The following WDPCP variants were observed in gnomAD, a reference collection of about 807,000 sequenced individuals.
WDPCP encodes WD repeat-containing and planar cell polarity effector protein fritz homolog.
Under a neutral mutation model 93.1 loss-of-function variants are expected in WDPCP, and 71 were observed. The ratio of observed to expected loss-of-function variants is 0.76; its 90% CI spans 0.63 to 0.93. The LOEUF is 0.93. Ranked by LOEUF, WDPCP falls within the 40% of genes least tolerant of loss-of-function variation. The pLI, the probability that WDPCP is intolerant of heterozygous loss-of-function variation, is 0.00. For missense variants in WDPCP, 844 were observed against 887.4 expected, an observed-to-expected ratio of 0.95 and a Z score of 0.62; for synonymous variants, 315 against 315.0, an observed-to-expected ratio of 1.00 and a Z score of 0.00.
At chr2:63,206,921 C>A (rs1471418913) in intron 14 of WDPCP, among the ~76,000 whole-genome samples, 1 of 152,112 alleles carries the variant, frequency 6.6e-6, no homozygotes, top group Non-Finnish European at 1.5e-5. Context: ...CATTGATGGG[C>A]AACAAATTGC....
chr2:63,404,438 C>T lies in WDPCP; in HGVS notation c.1045G>A (p.Glu349Lys), dbSNP rs1320002594. ...TCACAGCCCAGAATCAGTTTGTCTT[C>T]AGTAACATTCCTGCAGCAGCTGATG... ...KAISCCRNVT[E>K]DKLILGCEDS... The change falls in exon 10 of 18, where the codon GAA becomes AAA. Residue 349 changes from glutamate to lysine, a missense_variant. Transcript: ENST00000272321. The T allele has an allele frequency of 6.2e-7, 1 of 1,614,168 alleles. No homozygotes were observed. The highest frequency in any genetic ancestry group is 1.1e-5 in the South Asian group (1 of 91,082).
At chr2:63,601,060 C>G (rs1454826263) in intron 3 of WDPCP, among the ~76,000 whole-genome samples, 1 of 152,200 alleles carries the variant, frequency 6.6e-6, no homozygotes, top group Non-Finnish European at 1.5e-5. Flanking sequence ...GGGCTCAAGT[C>G]TGAATGAGCA....
At chr2:63,547,100 A>G (rs1705209291) in intron 1 of WDPCP, among the ~76,000 whole-genome samples, 1 of 152,198 alleles carries the variant, frequency 6.6e-6, no homozygotes, top group South Asian at 2.1e-4. Flanking sequence ...CAAATGATGA[A>G]AAGACATATC....
At chr2:63,168,047 GA>G (rs1486878709) in intron 15 of WDPCP, among the ~76,000 whole-genome samples, 1 of 141,566 alleles carries the variant, frequency 7.1e-6, no homozygotes, top group Non-Finnish European at 1.5e-5. Context: ...AGGAGGTCAA[GA>G]CTGTGGTGAG....
At chr2:63,537,290 A>G (rs1273165753) in intron 1 of WDPCP, among the ~76,000 whole-genome samples, 2 of 152,218 alleles carry the variant, frequency 1.3e-5, no homozygotes. Flanking sequence ...CCCTACTGCT[A>G]CCATCATAGT....
At chr2:63,427,233 G>T (rs1026847900) in intron 9 of WDPCP, among the ~76,000 whole-genome samples, 1 of 152,112 alleles carries the variant, frequency 6.6e-6, no homozygotes, top group African/African-American at 2.4e-5. Context: ...TTGACCAATT[G>T]GACCTGATAG....
At chr2:63,413,822 T>G (rs1444343393) in intron 9 of WDPCP, among the ~76,000 whole-genome samples, 1 of 150,246 alleles carries the variant, frequency 6.7e-6, no homozygotes, top group Non-Finnish European at 1.5e-5. Flanking sequence ...AAAACAAAGA[T>G]AAATAGCTGG....
At chr2:63,334,314 A>G (rs11691357) in intron 12 of WDPCP, among the ~76,000 whole-genome samples, 121,843 of 152,130 alleles carry the variant, frequency 0.8, 49,671 homozygotes, top group East Asian at 0.96. Flanking sequence ...GCGTGCCTGT[A>G]ACACAGCATC....
chr2:63,278,310 T>A (rs1683234742), intron 13 of WDPCP, among the ~76,000 whole-genome samples: 1 of 151,936 alleles, frequency 6.6e-6, no homozygotes. Flanking sequence ...TCAAAAAGTC[T>A]GAAAGAGCAC....
Position 63,313,886 on chromosome 2 carries a change from A to ATGTGTGTGTATATATATATATATATATT in WDPCP, c.1749-576_1749-575insAATATATATATATATATATACACACACA. On this transcript the variant is annotated intron_variant, in intron 12 of 17. Coordinates refer to ENST00000272321, the MANE Select transcript of WDPCP (RefSeq NM_015910.7). ...TATATATATATATATATATATATATATTTTTTTTTTTTTGGAGATGGAGTC... is the reference window on the plus strand; with the variant it reads ...TATATATATATATATATATATATATATGTGTGTGTATATATATATATATATATTTTTTTTTTTTTTTGGAGATGGAGTC... 3.8e-4 allele frequency among the ~76,000 whole-genome samples: 28 copies of ATGTGTGTGTATATATATATATATATATT among 74,470 alleles called. 1 individual carries two copies. The highest frequency in any genetic ancestry group is 1.4e-3 in the African/African-American group (27 of 19,426). The allele number at this position is 74,470 out of a possible 152,430, so 48.9% of individuals were successfully genotyped here. A position where few individuals can be genotyped will look rare whatever the true frequency, so the allele number is the denominator to read the frequency against.
At chr2:63,554,866 CCACCTGGGAGCTACAT>C (rs889946474) in intron 1 of WDPCP, among the ~76,000 whole-genome samples, 33 of 152,180 alleles carry the variant, frequency 2.2e-4, no homozygotes, top group South Asian at 8.3e-4. Context: ...GTGTGACAGC[CCACCTGGGAGCTACAT>C]GGGGGAAAGG....
intron 9 of WDPCP, among the ~76,000 whole-genome samples, chr2:63,421,777 AAG>A (rs1432093706): frequency 6.6e-6 from 1 of 152,206 alleles, no homozygotes; most frequent in Non-Finnish European, 1.5e-5. Context: ...GATTAAAAGA[AAG>A]AGAACATTAC....
the WDPCP span, among the ~76,000 whole-genome samples, chr2:63,839,055 G>C: frequency 6.6e-6 from 1 of 152,180 alleles, no homozygotes; most frequent in African/African-American, 2.4e-5. Context: ...CTGAAGATGG[G>C]TAGTTAGTTA....
At chr2:63,724,329 T>C (rs1249144927) in intron 2 of WDPCP, among the ~76,000 whole-genome samples, 1 of 152,144 alleles carries the variant, frequency 6.6e-6, no homozygotes, top group African/African-American at 2.4e-5. Flanking sequence ...TTTTTCATCT[T>C]CTAAACTACT....
At chr2:63,246,532 A>G (rs960898860) in intron 14 of WDPCP, among the ~76,000 whole-genome samples, 1 of 152,202 alleles carries the variant, frequency 6.6e-6, no homozygotes, top group African/African-American at 2.4e-5. Flanking sequence ...CTTAAAGAGC[A>G]TCCTATCAGC....
intron 1 of WDPCP, among the ~76,000 whole-genome samples, chr2:63,525,687 C>T (rs1703282234): frequency 6.6e-6 from 1 of 152,100 alleles, no homozygotes; most frequent in African/African-American, 2.4e-5. Context: ...CTGTTTCCTC[C>T]ATCTGGTCTC....
intron 1 of WDPCP, among the ~76,000 whole-genome samples, chr2:63,536,857 C>T (rs1231850575): frequency 1.4e-5 from 2 of 139,354 alleles, no homozygotes; most frequent in African/African-American, 2.7e-5. Context: ...CCTTCGCCTC[C>T]CAAGTTCAAA....
At chr2:63,324,304 C>G (rs978954214) in intron 12 of WDPCP, among the ~76,000 whole-genome samples, 2 of 152,138 alleles carry the variant, frequency 1.3e-5, no homozygotes, top group Admixed American at 1.3e-4. Context: ...TCCTAGCCTC[C>G]CTATGGCTCC....
intron 3 of WDPCP, chr2:63,597,868 T>A (rs1242744467): frequency 5.2e-6 from 1 of 192,262 alleles, no homozygotes; most frequent in Admixed American, 6.1e-5. Flanking sequence ...GCATTTTTGC[T>A]GCGTGGGAAT....
Sources: allele counts gnomAD v4.1 joint callset (sites outside exome capture counted in the v4.1 genomes callset), GRCh38; gene constraint gnomAD v4.1.1; transcripts MANE v1.5; gene names NCBI Gene and HGNC (gene_info 2026-07-23, HGNC 2026-07-21).